PHF2: variants seen among roughly 807,000 people sequenced by gnomAD.
PHF2 encodes the protein lysine-specific demethylase PHF2.
A neutral mutation model predicts 120.5 loss-of-function variants in PHF2; 27 were observed. The ratio of observed to expected loss-of-function variants is 0.22; its 90% CI spans 0.17 to 0.31. The LOEUF (loss-of-function observed/expected upper bound fraction) is 0.31. Ranked by LOEUF, PHF2 falls within the 10% of genes least tolerant of loss-of-function variation. PHF2 has a pLI of 1.00. For synonymous variants in PHF2, 568 were observed against 592.5 expected (o/e 0.96, Z 0.60); for missense variants, 1,024 against 1,434.8 (o/e 0.71, Z 4.63).
intron 20 of PHF2, 111 bp from the exon 21 acceptor site, chr9:93,676,483 C>A: frequency 1.5e-6 from 2 of 1,344,336 alleles, no homozygotes; most frequent in Non-Finnish European, 2.0e-6. Context: ...GCCCCTGCTG[C>A]CCAGCCCTGC....
chr9:93,635,932 G>T lies in PHF2; in HGVS notation c.185-479G>T, dbSNP rs553701815. ...GATGTGCACCACCTGGGGAGGTGGG[G>T]AGGAGACGGAACAAGATGGTGGGAC... is the stretch of plus-strand genomic sequence containing the variant. On this transcript the variant is annotated intron_variant, in intron 2 of 21. Transcript: ENST00000359246. Among the ~76,000 whole-genome samples, 3 of 152,258 alleles carry T rather than the reference G, an allele frequency of 2.0e-5. No individual in the cohort carries two copies. In the South Asian group the frequency reaches 6.2e-4, roughly 32 times the overall value.
chr9:93,652,496 T>A (rs1826385911), intron 5 of PHF2, among the ~76,000 whole-genome samples: 1 of 152,212 alleles, frequency 6.6e-6, no homozygotes, highest in South Asian at 2.1e-4. Context: ...TTTCACCATG[T>A]TGGCCAGGCT....
At chr9:93,601,303 G>A (rs1777559762) in intron 1 of PHF2, among the ~76,000 whole-genome samples, 1 of 152,146 alleles carries the variant, frequency 6.6e-6, no homozygotes, top group Non-Finnish European at 1.5e-5. Context: ...GCCCCCAGTG[G>A]CAACTGTGTC....
rs1464560628 is a variant in PHF2, at chr9:93,654,480, C to G, written c.857C>G (p.Ser286Cys). 1 of 1,614,078 alleles carries G rather than the reference C, an allele frequency of 6.2e-7. No homozygotes were observed. The highest frequency in any genetic ancestry group is 8.5e-7 in the Non-Finnish European group (1 of 1,180,014). ...ANISLYERWR[S>C]ASNHSEMFFA... Reference sequence around the variant, plus strand: ...ATCTCCCTGTATGAGCGCTGGCGGTCTGCCTCTAACCACAGCGAGATGTTC... The same window carrying G: ...ATCTCCCTGTATGAGCGCTGGCGGTGTGCCTCTAACCACAGCGAGATGTTC... The change falls in exon 7 of 22, where the codon TCT becomes TGT. Residue 286 changes from serine (S) to cysteine (C), a missense_variant. By Grantham distance (112) the Ser-to-Cys change is moderately radical. Around this residue, in one of 2 missense-constraint regions of PHF2, gnomAD observed 347 missense variants for 577.4 expected, o/e 0.60. Transcript: ENST00000359246.
chr9:93,673,942 C>T, intron 18 of PHF2, 80 bp downstream of exon 18: 1 of 1,423,052 alleles, frequency 7.0e-7, no homozygotes, highest in Non-Finnish European at 9.5e-7. Context: ...GTAGCATAAA[C>T]ATGCAGCTCT....
In PHF2 at chr9:93,656,555, G is replaced by A. The variant is rs777846852; in HGVS notation, c.1107G>A (p.Ala369=). The change falls in exon 9 of 22, where the codon GCG becomes GCA. Residue 369 remains alanine, a synonymous_variant. Coordinates refer to ENST00000359246, the MANE Select transcript of PHF2 (RefSeq NM_005392.4). The surrounding 1 kb of genome is among the most constrained non-coding windows in gnomAD (Gnocchi z 4.1). The part of the protein sequence containing the change: ...SLTQFPNFET[A]CWYMGKHLLE... Reference sequence around the variant, plus strand: ...CTCAGTTTCCCAACTTTGAAACTGCGTGCTGGTACATGGGGAAGCACCTGC... The same window carrying A: ...CTCAGTTTCCCAACTTTGAAACTGCATGCTGGTACATGGGGAAGCACCTGC... 64 of 1,613,736 alleles carry A rather than the reference G, an allele frequency of 4.0e-5. No homozygotes were observed. The highest frequency in any genetic ancestry group is 2.9e-4 in the South Asian group (26 of 91,082).
intron 1 of PHF2, among the ~76,000 whole-genome samples, chr9:93,599,425 C>T (rs1002584716): frequency 3.9e-5 from 6 of 152,158 alleles, no homozygotes; most frequent in African/African-American, 1.2e-4. Context: ...AAGTGGGACC[C>T]CATTGGGATC....
intron 4 of PHF2, among the ~76,000 whole-genome samples, chr9:93,646,675 T>C (rs7038794): frequency 0.069 from 10,533 of 152,040 alleles, 434 homozygotes; most frequent in Non-Finnish European, 0.088. Flanking sequence ...TCTGGGCACA[T>C]AGGGGCACCC....
chr9:93,599,445 G>T (rs1365104714), intron 1 of PHF2, among the ~76,000 whole-genome samples: 1 of 152,194 alleles, frequency 6.6e-6, no homozygotes, highest in African/African-American at 2.4e-5. Context: ...CCAGGCAGGG[G>T]GTTCCTGACA....
At chr9:93,652,805 T>C (rs10992827) in intron 5 of PHF2, among the ~76,000 whole-genome samples, 4,634 of 152,020 alleles carry the variant, frequency 0.03, 136 homozygotes, top group East Asian at 0.1. Context: ...CCGGGCTGAG[T>C]GTGAGAAATG....
At chr9:93,629,464 A>G (rs1325968684) in intron 1 of PHF2, among the ~76,000 whole-genome samples, 1 of 152,040 alleles carries the variant, frequency 6.6e-6, no homozygotes, top group East Asian at 1.9e-4. Flanking sequence ...TGATGTCTGG[A>G]GTCCTGGACA....
chr9:93,638,388 C>T (rs981494267), intron 3 of PHF2, among the ~76,000 whole-genome samples: 1 of 152,172 alleles, frequency 6.6e-6, no homozygotes, highest in African/African-American at 2.4e-5. Context: ...ATATTTTCTT[C>T]TAAGAGTTTT....
intron 1 of PHF2, among the ~76,000 whole-genome samples, chr9:93,621,661 C>G (rs1034337949): frequency 7.2e-5 from 11 of 152,204 alleles, no homozygotes; most frequent in Non-Finnish European, 1.3e-4. Flanking sequence ...ACCTTTGTGC[C>G]TCTGAGTCCT....
chr9:93,598,414 C>T (rs1184197026), intron 1 of PHF2, among the ~76,000 whole-genome samples: 1 of 152,146 alleles, frequency 6.6e-6, no homozygotes, highest in African/African-American at 2.4e-5. Flanking sequence ...GGGTGTTTGT[C>T]GGGCTGTCAG....
At position 93,656,124 on chromosome 9, in the gene PHF2, C is replaced by A; in HGVS notation, c.1040+103C>A. On this transcript the variant is annotated intron_variant, in intron 8 of 21. Coordinates refer to ENST00000359246, the MANE Select transcript of PHF2 (RefSeq NM_005392.4). This position sits in a 1 kb window ranked among gnomAD's most constrained non-coding sequence, Gnocchi z 4.1. ...TTGGGCTGAGTCCTGGCACAGCCCG[C>A]CTGTGGGTGGCCTGGACATGACCGT... 1.1e-6 allele frequency: 1 copy of A among 900,412 alleles called. No homozygotes were observed. Among genetic ancestry groups the A allele is most frequent in the South Asian group, 1.6e-5 (1 of 64,258 alleles). 55.8% of individuals were successfully genotyped at this position (900,412 alleles called of 1,614,324 possible). A position where few individuals can be genotyped will look rare whatever the true frequency, so the allele number is the denominator to read the frequency against.
chr9:93,625,445 T>C (rs890131472), intron 1 of PHF2, among the ~76,000 whole-genome samples: 8 of 151,972 alleles, frequency 5.3e-5, no homozygotes, highest in African/African-American at 1.7e-4. Context: ...GGAACATTTA[T>C]GTACAAGGAT....
Position 93,675,671 on chromosome 9 carries a change from T to G in PHF2, c.2723-9T>G, listed in dbSNP as rs1564405364. Reference sequence around the variant, plus strand: ...ACAGCTTGAGGGGGCTGGCCCTTCTTTTCCACAGCAAGGGTCGGCCCATCG... The same window carrying G: ...ACAGCTTGAGGGGGCTGGCCCTTCTGTTCCACAGCAAGGGTCGGCCCATCG... On this transcript the variant is annotated splice_polypyrimidine_tract_variant and intron_variant, in intron 19 of 21. Transcript: ENST00000359246. 6.2e-7 allele frequency: 1 copy of G among 1,607,110 alleles called. No homozygotes were observed. Among genetic ancestry groups the G allele is most frequent in the Non-Finnish European group, 8.5e-7 (1 of 1,175,336 alleles).
intron 2 of PHF2, among the ~76,000 whole-genome samples, chr9:93,634,490 C>T (rs1279584076): frequency 6.6e-6 from 1 of 152,212 alleles, no homozygotes; most frequent in African/African-American, 2.4e-5. Context: ...TCCAGCACCC[C>T]CAGCCTTGCA....
At chr9:93,590,651 C>T (rs7027975) in intron 1 of PHF2, among the ~76,000 whole-genome samples, 64,636 of 152,194 alleles carry the variant, frequency 0.42, 14,499 homozygotes, top group South Asian at 0.63. Flanking sequence ...CCACATACCC[C>T]GGCCAGTGTT....
Sources: allele counts gnomAD v4.1 joint callset (sites outside exome capture counted in the v4.1 genomes callset), GRCh38; gene constraint gnomAD v4.1.1; regional missense constraint gnomAD v4.1.1; non-coding constraint Gnocchi (gnomAD v3.1); transcripts MANE v1.5; gene names NCBI Gene and HGNC (gene_info 2026-07-23, HGNC 2026-07-21).